Variants in CDH11 observed in about 807,000 individuals in gnomAD.
CDH11 encodes cadherin-11.
Under a neutral mutation model 67.8 loss-of-function variants are expected in CDH11, and 11 were observed. That is an observed-to-expected ratio of 0.16 (90% confidence interval 0.10 to 0.27). The LOEUF is 0.27. Ranked by LOEUF, CDH11 falls within the 10% of genes least tolerant of loss-of-function variation. The probability of loss-of-function intolerance (pLI) is 1.00; values close to 1 mark genes in which losing one functional copy is unlikely to be tolerated. For synonymous variants in CDH11, 419 were observed against 400.0 expected (o/e 1.05, Z -0.57); for missense variants, 847 against 1,031.2 (o/e 0.82, Z 2.45).
At position 65,108,921 on chromosome 16, in the gene CDH11, C is replaced by T. The variant is rs148639780; in HGVS notation, c.-298+12959G>A. Among the ~76,000 whole-genome samples, 881 of 152,092 alleles carry T rather than the reference C, an allele frequency of 5.8e-3. 11 individuals are homozygous for T. The highest frequency in any genetic ancestry group is 0.02 in the African/African-American group (823 of 41,482). On this transcript the variant is annotated intron_variant, in intron 1 of 12. Coordinates refer to ENST00000268603, the MANE Select transcript of CDH11 (RefSeq NM_001797.4). Reference sequence around the variant, plus strand: ...CAGCACTTTGGGAGGCTGAGGCAGACGGAGCACTTGAGGTCAAGAGTTCGA... The same window carrying T: ...CAGCACTTTGGGAGGCTGAGGCAGATGGAGCACTTGAGGTCAAGAGTTCGA...
intron 2 of CDH11, among the ~76,000 whole-genome samples, chr16:65,040,270 G>T (rs1038976830): frequency 6.6e-6 from 1 of 152,110 alleles, no homozygotes; most frequent in Non-Finnish European, 1.5e-5. Flanking sequence ...GTTTATTGTG[G>T]CACTATTCAC....
intron 4 of CDH11, among the ~76,000 whole-genome samples, chr16:64,995,928 C>A (rs964935486): frequency 6.6e-6 from 1 of 151,872 alleles, no homozygotes; most frequent in African/African-American, 2.4e-5. Flanking sequence ...CAAAAGTGGG[C>A]AAAAGACATG....
At chr16:65,096,811 T>C (rs1397035003) in intron 1 of CDH11, among the ~76,000 whole-genome samples, 1 of 152,124 alleles carries the variant, frequency 6.6e-6, no homozygotes, top group Non-Finnish European at 1.5e-5. Flanking sequence ...AGAAAATTTC[T>C]GACTCAAGGA....
intron 3 of CDH11, among the ~76,000 whole-genome samples, 198 bp downstream of exon 3, chr16:65,004,444 C>T (rs1028614104): frequency 1.3e-5 from 2 of 152,170 alleles, no homozygotes; most frequent in Admixed American, 1.3e-4. Flanking sequence ...GAAGTATTCT[C>T]AACATGGATA....
chr16:65,031,858 A>C (rs1300915655), intron 2 of CDH11, among the ~76,000 whole-genome samples: 3 of 152,170 alleles, frequency 2.0e-5, no homozygotes, highest in African/African-American at 7.2e-5. Context: ...CCATGAAAAA[A>C]TAGCCAAAAG....
chr16:65,059,792 T>A (rs1013327495), intron 1 of CDH11: 12 of 152,232 alleles, frequency 7.9e-5, no homozygotes, highest in Non-Finnish European at 1.5e-4. Flanking sequence ...CAAATGTCTT[T>A]CGTTGTACCC....
chr16:64,989,668 G>A (rs1295602132), intron 6 of CDH11, among the ~76,000 whole-genome samples: 1 of 152,146 alleles, frequency 6.6e-6, no homozygotes, highest in East Asian at 1.9e-4. Context: ...CCATTGTGGG[G>A]AATGGAAAAG....
At chr16:65,122,723 G>C (rs1399917783), upstream of CDH11, among the ~76,000 whole-genome samples, 1 of 152,102 alleles carries the variant, frequency 6.6e-6, no homozygotes, top group Non-Finnish European at 1.5e-5. Flanking sequence ...GGAGACTTAG[G>C]ACTTGGGAAG....
At chr16:65,039,822 G>T (rs1372530666) in intron 2 of CDH11, among the ~76,000 whole-genome samples, 1 of 152,136 alleles carries the variant, frequency 6.6e-6, no homozygotes, top group Non-Finnish European at 1.5e-5. Context: ...CTGACAAAGG[G>T]CTAATATCCA....
rs576835058 is a variant in CDH11 at position 65,008,792 on chromosome 16, C to A, written c.-172-3751G>T. 2.6e-5 allele frequency among the ~76,000 whole-genome samples: 4 copies of A among 152,192 alleles called. No homozygotes were observed. In the South Asian group the frequency reaches 8.3e-4, roughly 32 times the overall value. ...CGGACGTTGTGATAAAAAGCAGTTA[C>A]CTAGAAGCCAGCTAAATGTGGGAAG... On this transcript the variant is annotated intron_variant, in intron 2 of 12. Coordinates refer to ENST00000268603, the MANE Select transcript of CDH11 (RefSeq NM_001797.4).
At chr16:65,056,278 C>T (rs966249539) in intron 1 of CDH11, among the ~76,000 whole-genome samples, 6 of 152,154 alleles carry the variant, frequency 3.9e-5, no homozygotes, top group Admixed American at 6.5e-5. Context: ...AGAGAGGTGC[C>T]AATCCATTTC....
At chr16:65,000,700 T>G (rs889352336) in intron 3 of CDH11, among the ~76,000 whole-genome samples, 2 of 151,946 alleles carry the variant, frequency 1.3e-5, no homozygotes, top group Non-Finnish European at 2.9e-5. Context: ...TCCCAGCTAC[T>G]TGGGAGGCCG....
intron 1 of CDH11, among the ~76,000 whole-genome samples, chr16:65,092,492 T>C (rs2074808843): frequency 1.3e-5 from 2 of 152,156 alleles, no homozygotes; most frequent in South Asian, 2.1e-4. Context: ...AGGCACTATC[T>C]AACCCATGCC....
rs577037921 is a variant in CDH11 at position 65,110,932 on chromosome 16, T to G, written c.-298+10948A>C. Reference sequence around the variant, plus strand: ...AATGGAATGAGTAACACATGGAATGTTGTCTTCCATGGTTTTGAATCACTT... The same window carrying G: ...AATGGAATGAGTAACACATGGAATGGTGTCTTCCATGGTTTTGAATCACTT... On this transcript the variant is annotated intron_variant, in intron 1 of 12. Transcript: ENST00000268603. Among the ~76,000 whole-genome samples the G allele has an allele frequency of 2.6e-5, 4 of 152,282 alleles. No homozygotes were observed. The East Asian group carries it at 7.7e-4, about 29-fold the overall frequency.
upstream of CDH11, chr16:65,122,310 G>A (rs1403275257): frequency 6.6e-6 from 2 of 303,868 alleles, no homozygotes; most frequent in Admixed American, 5.5e-5. Flanking sequence ...ATTCGTGGCC[G>A]CCCCTCCCGC....
intron 1 of CDH11, among the ~76,000 whole-genome samples, chr16:65,073,092 T>C (rs571177222): frequency 6.6e-6 from 1 of 152,272 alleles, no homozygotes; most frequent in South Asian, 2.1e-4. Context: ...ACCACAGTTA[T>C]TGAAAATCCA....
intron 11 of CDH11, among the ~76,000 whole-genome samples, chr16:64,961,158 T>C (rs2071663950): frequency 6.6e-6 from 1 of 151,992 alleles, no homozygotes; most frequent in South Asian, 2.1e-4. Context: ...ATCTAAGAAA[T>C]ATCTAGAATT....
chr16:64,948,783 G>A (rs2071267864), intron 12 of CDH11: 2 of 1,595,050 alleles, frequency 1.3e-6, no homozygotes, highest in South Asian at 2.3e-5. Flanking sequence ...TTAAGCTTGG[G>A]CAACCTAGGA....
At chr16:64,988,821 T>C (rs1237196193) in intron 6 of CDH11, among the ~76,000 whole-genome samples, 2 of 151,564 alleles carry the variant, frequency 1.3e-5, no homozygotes, top group Non-Finnish European at 2.9e-5. Flanking sequence ...AAATGCAAAC[T>C]TTAACATCCC....
Sources: gnomAD v4.1 joint callset for allele counts (sites outside exome capture counted in the v4.1 genomes callset) on GRCh38, gnomAD v4.1.1 for gene constraint, MANE v1.5 for transcripts, NCBI Gene and HGNC (gene_info 2026-07-23, HGNC 2026-07-21) for gene names.